Variants in PGCKA1 observed in about 807,000 individuals in gnomAD.
The protein encoded by PGCKA1 is PDCD10 and GCKIII kinases associated 1.
chr4:37,480,415 C>G, the PGCKA1 span, among the ~76,000 whole-genome samples: 2 of 152,218 alleles, frequency 1.3e-5, no homozygotes, highest in African/African-American at 4.8e-5. Context: ...ATTGCTTGAA[C>G]CCGGGAGGCG....
At chr4:37,552,666 C>A in the PGCKA1 span, among the ~76,000 whole-genome samples, 2 of 152,216 alleles carry the variant, frequency 1.3e-5, no homozygotes, top group Admixed American at 6.5e-5. Flanking sequence ...CCCTTTGATG[C>A]CACCACACGC....
At chr4:37,579,794 T>A in the PGCKA1 span, among the ~76,000 whole-genome samples, 1 of 152,130 alleles carries the variant, frequency 6.6e-6, no homozygotes, top group South Asian at 2.1e-4. Flanking sequence ...GTAACCTTCT[T>A]GTGCTTGGAT....
the PGCKA1 span, among the ~76,000 whole-genome samples, chr4:37,521,258 G>T: frequency 6.6e-6 from 1 of 152,098 alleles, no homozygotes; most frequent in Non-Finnish European, 1.5e-5. Flanking sequence ...GTCTCTTGTG[G>T]TCTAGGTGCC....
the PGCKA1 span, among the ~76,000 whole-genome samples, chr4:37,483,005 A>G: frequency 6.6e-6 from 1 of 152,038 alleles, no homozygotes; most frequent in Non-Finnish European, 1.5e-5. Context: ...CCCCACCCAA[A>G]TCTCATCCCG....
chr4:37,496,397 A>C, the PGCKA1 span, among the ~76,000 whole-genome samples: 2 of 152,190 alleles, frequency 1.3e-5, no homozygotes, highest in Non-Finnish European at 2.9e-5. Context: ...AGCTTTATCA[A>C]AGATCATATG....
the PGCKA1 span, among the ~76,000 whole-genome samples, chr4:37,544,645 T>G: frequency 2.0e-5 from 3 of 150,438 alleles, no homozygotes; most frequent in Non-Finnish European, 4.4e-5. Context: ...CAAGGAGCTG[T>G]TTTTTTTGTT....
chr4:37,481,464 CAAAAAAAAAAAAAAAAAAAAAAAAA>C, the PGCKA1 span, among the ~76,000 whole-genome samples: 4 of 61,430 alleles, frequency 6.5e-5, no homozygotes, highest in South Asian at 3.9e-4. Context: ...GACCTGTCTC[CAAAAAAAAAAAAAAAAAAAAAAAAA>C]AAAAAAAAAA....
At chr4:37,465,620 A>G in the PGCKA1 span, among the ~76,000 whole-genome samples, 4 of 152,022 alleles carry the variant, frequency 2.6e-5, no homozygotes, top group African/African-American at 7.2e-5. Context: ...CTAAAAACCA[A>G]CCTCAGCTAA....
At chr4:37,558,545 A>C in the PGCKA1 span, among the ~76,000 whole-genome samples, 16 of 152,112 alleles carry the variant, frequency 1.1e-4, no homozygotes, top group Non-Finnish European at 1.8e-4. Flanking sequence ...CAAGGACTTC[A>C]TGTCTAAAAC....
the PGCKA1 span, among the ~76,000 whole-genome samples, chr4:37,489,383 CTG>C: frequency 6.6e-6 from 1 of 152,058 alleles, no homozygotes; most frequent in East Asian, 1.9e-4. Flanking sequence ...TGTTATGTCT[CTG>C]TTTTTTTGCC....
At chr4:37,461,352 A>T in the PGCKA1 span, among the ~76,000 whole-genome samples, 1 of 151,962 alleles carries the variant, frequency 6.6e-6, no homozygotes, top group Non-Finnish European at 1.5e-5. Context: ...TAATTTTGTG[A>T]ATAATGTCAA....
the PGCKA1 span, among the ~76,000 whole-genome samples, chr4:37,548,988 T>A: frequency 6.6e-6 from 1 of 152,220 alleles, no homozygotes; most frequent in Admixed American, 6.5e-5. Context: ...ATGGTAGCTC[T>A]TTTCCAGGAT....
At chr4:37,589,960 A>G in the PGCKA1 span, 1 of 770,416 alleles carries the variant, frequency 1.3e-6, no homozygotes, top group Non-Finnish European at 2.2e-6. Flanking sequence ...TGATTTAGAC[A>G]TACTTATCTA....
the PGCKA1 span, among the ~76,000 whole-genome samples, chr4:37,471,795 G>T: frequency 6.6e-6 from 1 of 152,066 alleles, no homozygotes; most frequent in Non-Finnish European, 1.5e-5. Flanking sequence ...TTGGCCAGGG[G>T]AAAAGGTGGA....
chr4:37,540,254 A>G, the PGCKA1 span, among the ~76,000 whole-genome samples: 1 of 152,236 alleles, frequency 6.6e-6, no homozygotes, highest in African/African-American at 2.4e-5. Flanking sequence ...AAATCACATT[A>G]TGTATATGCA....
At chr4:37,459,816 AGCTTGGTTTTTTTTTTTAATTTT>A in the PGCKA1 span, among the ~76,000 whole-genome samples, 14 of 105,778 alleles carry the variant, frequency 1.3e-4, 1 homozygote, top group East Asian at 3.2e-3. Flanking sequence ...TTTTTTTTTT[AGCTTGGTTTTTTTTTTTAATTTT>A]ATTTTATTTT....
the PGCKA1 span, among the ~76,000 whole-genome samples, chr4:37,571,328 A>G: frequency 1.4e-5 from 2 of 140,982 alleles, no homozygotes; most frequent in Admixed American, 7.1e-5. Context: ...ATCTCTCTCC[A>G]TGGTCTAATT....
chr4:37,460,505 T>C, the PGCKA1 span: 1 of 447,252 alleles, frequency 2.2e-6, no homozygotes, highest in Non-Finnish European at 4.5e-6. Context: ...ATCTACTGTT[T>C]CTTGACTTTT....
At chr4:37,590,817 C>T in the PGCKA1 span, 1 of 1,614,232 alleles carries the variant, frequency 6.2e-7, no homozygotes, top group African/African-American at 1.3e-5. Flanking sequence ...TAAGCATCTG[C>T]TTTAATGAGA....
Sources: gnomAD v4.1 joint callset for allele counts (sites outside exome capture counted in the v4.1 genomes callset) on GRCh38, gnomAD v4.1.1 for gene constraint, MANE v1.5 for transcripts, NCBI Gene and HGNC (gene_info 2026-07-23, HGNC 2026-07-21) for gene names.